CACNG2: variants seen among roughly 807,000 people sequenced by gnomAD.
CACNG2 encodes calcium voltage-gated channel auxiliary subunit gamma 2, also known as voltage-dependent calcium channel gamma-2 subunit.
In CACNG2, 3 loss-of-function variants were observed where a neutral mutation model predicts 25.9. That is an observed-to-expected ratio of 0.12 (90% CI 0.05 to 0.30). The LOEUF (loss-of-function observed/expected upper bound fraction) is 0.30. Among genes scored for constraint, CACNG2 ranks in the 10% least tolerant of loss-of-function variants. The probability of loss-of-function intolerance (pLI) is 1.00; values close to 1 mark genes in which losing one functional copy is unlikely to be tolerated. For missense variants in CACNG2, 341 were observed against 432.5 expected (o/e 0.79, Z 1.88); for synonymous variants, 167 against 173.3 (o/e 0.96, Z 0.29).
chr22:36,588,495 T>C (rs1185224570), intron 1 of CACNG2, among the ~76,000 whole-genome samples: 2 of 152,228 alleles, frequency 1.3e-5, no homozygotes, highest in Non-Finnish European at 2.9e-5. Flanking sequence ...CAGCAGAGAC[T>C]TTGTTTCATT....
chr22:36,591,325 G>A (rs976468474), intron 1 of CACNG2, among the ~76,000 whole-genome samples: 23 of 152,200 alleles, frequency 1.5e-4, no homozygotes, highest in African/African-American at 5.3e-4. Context: ...CACCGCGCCC[G>A]GCCTAAGGGG....
intron 1 of CACNG2, among the ~76,000 whole-genome samples, chr22:36,627,873 T>C (rs1936207313): frequency 6.6e-6 from 1 of 151,902 alleles, no homozygotes; most frequent in African/African-American, 2.4e-5. Context: ...TTTTATTTTA[T>C]CTAGGATGGA....
At chr22:36,632,835 A>G (rs2145959653) in intron 1 of CACNG2, among the ~76,000 whole-genome samples, 1 of 151,772 alleles carries the variant, frequency 6.6e-6, no homozygotes, top group Non-Finnish European at 1.5e-5. Context: ...TTCTCTAGCT[A>G]TCCTTACCCT....
intron 1 of CACNG2, among the ~76,000 whole-genome samples, chr22:36,651,817 G>A (rs913824717): frequency 7.9e-5 from 12 of 152,072 alleles, no homozygotes; most frequent in Non-Finnish European, 1.5e-5. Flanking sequence ...AGTCATCCGT[G>A]ACACTTACCA....
chr22:36,596,440 G>A (rs3788521), intron 1 of CACNG2, among the ~76,000 whole-genome samples: 1 of 152,060 alleles, frequency 6.6e-6, no homozygotes, highest in Non-Finnish European at 1.5e-5. Flanking sequence ...TCTCTCGTTC[G>A]TTCATTCATT....
intron 2 of CACNG2, 96 bp downstream of exon 2, chr22:36,587,369 G>A: frequency 1.1e-6 from 1 of 883,836 alleles, no homozygotes; most frequent in South Asian, 1.3e-5. Context: ...CTGCTGTGAT[G>A]AGGGCCTCTA....
rs145345232 is a variant in CACNG2 at position 36,580,363 on chromosome 22, G to A, written c.295+7102C>T. Among the ~76,000 whole-genome samples, 26 of 152,200 alleles carry A rather than the reference G, an allele frequency of 1.7e-4. 1 individual carries two copies. Among genetic ancestry groups the A allele is most frequent in the Admixed American group, 6.5e-4 (10 of 15,290 alleles). ...GGCTTCCCCCAGGCTGCCTGTCATCGTCCTCAGGTGGTCAGTGAATCCCTG... is the reference window on the plus strand; with the variant it reads ...GGCTTCCCCCAGGCTGCCTGTCATCATCCTCAGGTGGTCAGTGAATCCCTG... On this transcript the variant is annotated intron_variant, in intron 2 of 3. Coordinates refer to ENST00000300105, the MANE Select transcript of CACNG2 (RefSeq NM_006078.5).
At chr22:36,695,320 A>G (rs957325702) in intron 1 of CACNG2, among the ~76,000 whole-genome samples, 2 of 152,214 alleles carry the variant, frequency 1.3e-5, no homozygotes, top group Non-Finnish European at 2.9e-5. Flanking sequence ...GTAGGTGAGT[A>G]TAAGTCACAG....
At chr22:36,623,015 T>A (rs866340570) in intron 1 of CACNG2, among the ~76,000 whole-genome samples, 2,991 of 125,808 alleles carry the variant, frequency 0.024, 275 homozygotes, top group African/African-American at 0.073. Flanking sequence ...AACATGGGTT[T>A]TTTTTTTTTT....
rs56791508 is a variant in CACNG2 at position 36,563,366 on chromosome 22, CGGG to C, written c.*982_*984del. Among the ~76,000 whole-genome samples, 71,555 of 148,096 alleles carry C rather than the reference CGGG, an allele frequency of 0.48. 17,608 individuals carry two copies. The highest frequency in any genetic ancestry group is 0.54 in the Non-Finnish European group (36,047 of 66,280). On this transcript the variant is annotated 3_prime_UTR_variant, in exon 4 of 4. Coordinates refer to ENST00000300105, the MANE Select transcript of CACNG2 (RefSeq NM_006078.5). ...GGAGGGAGAGCTGTTTCATGTCCCC[CGGG>C]GGGGGGGGTGGCATCTCCTGACCCC...
chr22:36,649,529 T>A (rs916219370), intron 1 of CACNG2, among the ~76,000 whole-genome samples: 1 of 152,170 alleles, frequency 6.6e-6, no homozygotes, highest in South Asian at 2.1e-4. Context: ...CCTGACCTTG[T>A]GATTTGCCCG....
At chr22:36,687,334 A>G (rs114673845) in intron 1 of CACNG2, among the ~76,000 whole-genome samples, 4,435 of 152,292 alleles carry the variant, frequency 0.029, 220 homozygotes, top group African/African-American at 0.1. Flanking sequence ...CTTATCATCA[A>G]ATCTAATCTT....
At chr22:36,583,733 C>G (rs73171811) in intron 2 of CACNG2, among the ~76,000 whole-genome samples, 30,049 of 152,194 alleles carry the variant, frequency 0.2, 3,568 homozygotes, top group East Asian at 0.27. Context: ...CCCTCTCCCC[C>G]ATCCTGGGCT....
intron 1 of CACNG2, among the ~76,000 whole-genome samples, chr22:36,694,968 C>T (rs910317285): frequency 3.3e-5 from 5 of 152,168 alleles, no homozygotes; most frequent in Non-Finnish European, 7.3e-5. Flanking sequence ...GTACTCCCAG[C>T]ACTTTGGGAG....
intron 1 of CACNG2, among the ~76,000 whole-genome samples, chr22:36,600,871 A>G (rs1290196305): frequency 3.9e-5 from 6 of 152,120 alleles, no homozygotes; most frequent in Non-Finnish European, 7.4e-5. Flanking sequence ...AGTGCATTTT[A>G]TTGTGTATAC....
intron 1 of CACNG2, among the ~76,000 whole-genome samples, chr22:36,618,879 C>T (rs537547152): frequency 3.3e-5 from 5 of 152,008 alleles, no homozygotes; most frequent in Admixed American, 2.0e-4. Context: ...GAGATGGCAC[C>T]ACTACACTCC....
At chr22:36,675,243 C>T (rs895636829) in intron 1 of CACNG2, among the ~76,000 whole-genome samples, 6 of 152,066 alleles carry the variant, frequency 3.9e-5, no homozygotes, top group African/African-American at 1.4e-4. Context: ...TGCAGTCTCA[C>T]TCTGTTGCCC....
In CACNG2 at chr22:36,564,560, C is replaced by A. The variant is rs764857508; in HGVS notation, c.763G>T (p.Val255Leu). 16 of 1,613,862 alleles carry A rather than the reference C, an allele frequency of 9.9e-6. No homozygotes were observed. Among genetic ancestry groups the A allele is most frequent in the Middle Eastern group, 3.3e-4 (2 of 6,080 alleles). ...EPSHSRDASPVGIKGFNTLPS... is the reference protein window; with the variant it reads ...EPSHSRDASPLGIKGFNTLPS... Reference sequence around the variant, plus strand: ...AGGGTGTTGAAGCCCTTGATGCCCACGGGGGAGGCGTCCCTGGAGTGTGAG... The same window carrying A: ...AGGGTGTTGAAGCCCTTGATGCCCAAGGGGGAGGCGTCCCTGGAGTGTGAG... Residue 255 changes from valine (V) to leucine (L), a missense_variant, in exon 4 of 4, where the codon GTG (valine) becomes TTG (leucine). This residue lies in a region of CACNG2 where 172 missense variants were observed against 178.1 expected (regional missense o/e 0.97). Coordinates refer to ENST00000300105, the MANE Select transcript of CACNG2 (RefSeq NM_006078.5). The surrounding 1 kb of genome is among the most constrained non-coding windows in gnomAD (Gnocchi z 6.7).
intron 1 of CACNG2, among the ~76,000 whole-genome samples, chr22:36,678,804 G>A (rs989405238): frequency 2.0e-5 from 3 of 152,022 alleles, no homozygotes; most frequent in African/African-American, 4.8e-5. Flanking sequence ...GCTTCCCTTC[G>A]GCAGCAGCCT....
Sources: allele counts gnomAD v4.1 joint callset (sites outside exome capture counted in the v4.1 genomes callset), GRCh38; gene constraint gnomAD v4.1.1; regional missense constraint gnomAD v4.1.1; non-coding constraint Gnocchi (gnomAD v3.1); transcripts MANE v1.5; gene names NCBI Gene and HGNC (gene_info 2026-07-23, HGNC 2026-07-21).